The following DLC1 variants were observed in gnomAD, a reference collection of about 807,000 sequenced individuals.
The protein encoded by DLC1 is DLC1 Rho GTPase activating protein.
A neutral mutation model predicts 140.3 loss-of-function variants in DLC1; 54 were observed. The observed-to-expected ratio is 0.38, with a 90% CI of 0.31 to 0.48. The LOEUF is 0.48. DLC1 is among the 20% of genes least tolerant of loss of function. DLC1 has a pLI of 0.96. For synonymous variants in DLC1, 986 were observed against 728.1 expected (o/e 1.35, Z -5.70); for missense variants, 2,536 against 1,907.0 (o/e 1.33, Z -6.14).
At chr8:13,425,907 T>G (rs1207880068) in intron 2 of DLC1, among the ~76,000 whole-genome samples, 1 of 152,142 alleles carries the variant, frequency 6.6e-6, no homozygotes, top group East Asian at 1.9e-4. Flanking sequence ...TTAGAACAAG[T>G]TAAAGAAAGG....
chr8:13,268,913 G>C (rs1385249862), intron 5 of DLC1, among the ~76,000 whole-genome samples: 6 of 132,606 alleles, frequency 4.5e-5, no homozygotes, highest in Admixed American at 1.6e-4. Context: ...CTCACTCTGT[G>C]GCCCAGGCTA....
At chr8:13,326,025 G>C (rs1038542123) in intron 4 of DLC1, among the ~76,000 whole-genome samples, 2 of 69,192 alleles carry the variant, frequency 2.9e-5, no homozygotes, top group Admixed American at 2.2e-4. Flanking sequence ...TGCGCTATTT[G>C]GTTTTTCTTA....
chr8:13,441,952 C>G (rs1294102110), intron 2 of DLC1, among the ~76,000 whole-genome samples: 1 of 152,208 alleles, frequency 6.6e-6, no homozygotes, highest in Admixed American at 6.5e-5. Context: ...TGACTTCAAA[C>G]TATACTACAA....
intron 2 of DLC1, among the ~76,000 whole-genome samples, chr8:13,434,890 G>C (rs964332647): frequency 6.6e-6 from 1 of 152,106 alleles, no homozygotes; most frequent in African/African-American, 2.4e-5. Context: ...GTGTTGCTTA[G>C]GTTGGTCTTG....
chr8:13,120,780 T>C (rs1381889703), intron 5 of DLC1, among the ~76,000 whole-genome samples: 1 of 152,060 alleles, frequency 6.6e-6, no homozygotes. Context: ...GATGGATGAG[T>C]CCCGGACACC....
At chr8:13,420,843 CA>C (rs1838289478) in intron 2 of DLC1, among the ~76,000 whole-genome samples, 2 of 152,208 alleles carry the variant, frequency 1.3e-5, no homozygotes, top group Admixed American at 1.3e-4. Context: ...GTGGCAAATA[CA>C]GACTAACCTG....
At chr8:13,538,430 G>A (rs10099765) in intron 1 of DLC1, among the ~76,000 whole-genome samples, 18,829 of 151,890 alleles carry the variant, frequency 0.12, 1,494 homozygotes, top group African/African-American at 0.22. Flanking sequence ...TTTACAGATG[G>A]TGTCAACAAC....
At chr8:13,157,313 G>C (rs910097037) in intron 5 of DLC1, among the ~76,000 whole-genome samples, 1 of 152,202 alleles carries the variant, frequency 6.6e-6, no homozygotes, top group Non-Finnish European at 1.5e-5. Context: ...GGCGGGGTTA[G>C]AGAAAGTACA....
chr8:13,324,836 T>C (rs879539284), intron 4 of DLC1, among the ~76,000 whole-genome samples: 3 of 152,200 alleles, frequency 2.0e-5, no homozygotes, highest in African/African-American at 7.2e-5. Flanking sequence ...CCTTTGAATC[T>C]TGAAGGTGTT....
chr8:13,572,094 T>A (rs760932741), intron 1 of DLC1, among the ~76,000 whole-genome samples: 11 of 45,910 alleles, frequency 2.4e-4, no homozygotes, highest in Admixed American at 2.8e-4. Flanking sequence ...TATTATTATT[T>A]ATTTTTTTTT....
chr8:13,552,259 A>C (rs990767570), intron 1 of DLC1, among the ~76,000 whole-genome samples: 1 of 148,434 alleles, frequency 6.7e-6, no homozygotes, highest in Non-Finnish European at 1.5e-5. Context: ...ACCTGTCTAC[A>C]TATATACCTA....
chr8:13,523,143 A>C (rs961513797), intron 1 of DLC1, among the ~76,000 whole-genome samples: 4 of 152,236 alleles, frequency 2.6e-5, no homozygotes, highest in Non-Finnish European at 5.9e-5. Context: ...TAATAAAATT[A>C]GTTGAAAAGA....
At chr8:13,351,741 C>G (rs1431994267) in intron 4 of DLC1, among the ~76,000 whole-genome samples, 1 of 152,192 alleles carries the variant, frequency 6.6e-6, no homozygotes, top group Non-Finnish European at 1.5e-5. Flanking sequence ...TAGAAAAAGT[C>G]TGCCAAGTCC....
At chr8:13,366,782 C>G (rs921784192) in intron 4 of DLC1, among the ~76,000 whole-genome samples, 9 of 152,142 alleles carry the variant, frequency 5.9e-5, no homozygotes, top group African/African-American at 2.2e-4. Context: ...AGACCAAGGT[C>G]TCCCTTTCCC....
At chr8:13,171,045 A>G (rs1247826008) in intron 5 of DLC1, among the ~76,000 whole-genome samples, 2 of 152,226 alleles carry the variant, frequency 1.3e-5, no homozygotes, top group Non-Finnish European at 2.9e-5. Flanking sequence ...ATGTGGAGCT[A>G]TCTCATAAAT....
intron 1 of DLC1, among the ~76,000 whole-genome samples, chr8:13,552,956 G>T (rs1803914643): frequency 6.6e-6 from 1 of 151,340 alleles, no homozygotes; most frequent in Admixed American, 6.6e-5. Context: ...TTATGGAAAA[G>T]CAGTATGTTT....
Position 13,092,877 on chromosome 8 carries a change from T to C in DLC1, c.3527-52A>G, listed in dbSNP as rs771736548. ...CAGCTTGGTGAATTTGCATGGACAT[T>C]GCAAGGAAATGTCCCAGAGCAAATA... On this transcript the variant is annotated intron_variant, in intron 12 of 17. Transcript: ENST00000276297. 6 of 1,561,760 alleles carry C rather than the reference T, an allele frequency of 3.8e-6. No individual in the cohort carries two copies. In the Admixed American group the frequency reaches 5.4e-5, roughly 14 times the overall value.
chr8:13,590,077 A>ATATATATATATATATCTC lies in DLC1; in HGVS notation c.-126+14459_-126+14460insGAGATATATATATATATA, dbSNP rs11272767. Among the ~76,000 whole-genome samples, 76 of 145,260 alleles carry ATATATATATATATATCTC rather than the reference A, an allele frequency of 5.2e-4. 1 individual carries two copies. In the East Asian group the frequency reaches 7.5e-3, roughly 14 times the overall value. On this transcript the variant is annotated intron_variant, in intron 1 of 1. Transcript: ENST00000631382. The stretch of plus-strand genomic sequence containing the variant: ...ACTCAACATGCATATATATATATAT[A>ATATATATATATATATCTC]CAAACACATGCTTTTATTTTGTTTT...
chr8:13,431,335 T>A (rs1838853634), intron 2 of DLC1, among the ~76,000 whole-genome samples: 1 of 151,470 alleles, frequency 6.6e-6, no homozygotes, highest in South Asian at 2.1e-4. Context: ...TAGAAAAAAT[T>A]AGCCGGGCGA....
Sources: allele counts gnomAD v4.1 joint callset (sites outside exome capture counted in the v4.1 genomes callset), GRCh38; gene constraint gnomAD v4.1.1; transcripts MANE v1.5; gene names NCBI Gene and HGNC (gene_info 2026-07-23, HGNC 2026-07-21).